Variants in CNTN5 observed in about 807,000 individuals in gnomAD.
CNTN5 encodes contactin 5.
CNTN5 carries 77 observed loss-of-function variants against 129.1 expected under a neutral mutation model. The ratio of observed to expected loss-of-function variants is 0.60; its 90% CI spans 0.50 to 0.72. CNTN5 has a LOEUF of 0.72. Ranked by LOEUF, CNTN5 falls within the 30% of genes least tolerant of loss-of-function variation. CNTN5 has a pLI of 0.00. For synonymous variants in CNTN5, 509 were observed against 465.6 expected (o/e 1.09, Z -1.20); for missense variants, 1,478 against 1,328.8 (o/e 1.11, Z -1.75).
intron 2 of CNTN5, among the ~76,000 whole-genome samples, chr11:99,493,595 T>C (rs1438004729): frequency 6.6e-6 from 1 of 152,138 alleles, no homozygotes; most frequent in African/African-American, 2.4e-5. Context: ...CTCAAACAAA[T>C]TCCGGTTCTA....
intron 18 of CNTN5, among the ~76,000 whole-genome samples, chr11:100,291,030 G>A (rs919803860): frequency 3.3e-5 from 5 of 149,566 alleles, no homozygotes; most frequent in African/African-American, 1.2e-4. Context: ...CTGGCCATCA[G>A]AGAAATGCAA....
intron 1 of CNTN5, among the ~76,000 whole-genome samples, chr11:99,034,567 G>T (rs1213199511): frequency 6.6e-6 from 1 of 151,448 alleles, no homozygotes; most frequent in Non-Finnish European, 1.5e-5. Flanking sequence ...AGAGGTGTTT[G>T]TAGTATTCTC....
rs781666711 is a variant in CNTN5 at position 99,329,548 on chromosome 11, C to T, written c.-71+4064C>T. Among the ~76,000 whole-genome samples the T allele has an allele frequency of 6.6e-5, 10 of 152,142 alleles. No individual in the cohort carries two copies. In the South Asian group the frequency reaches 8.3e-4, roughly 13 times the overall value. The stretch of plus-strand genomic sequence containing the variant: ...AGGCTGTCCTACAACATAAGAAGGG[C>T]TCTATCTCTTCATTAGATGGGTCTG... On this transcript the variant is annotated intron_variant, in intron 2 of 24. Coordinates refer to ENST00000524871, the MANE Select transcript of CNTN5 (RefSeq NM_014361.4).
intron 21 of CNTN5, among the ~76,000 whole-genome samples, chr11:100,310,817 C>A (rs1740254898): frequency 6.6e-6 from 1 of 151,816 alleles, no homozygotes; most frequent in African/African-American, 2.4e-5. Context: ...AGCCCAGGAG[C>A]TCTGAAGTAC....
chr11:100,024,937 G>A (rs369569104), intron 9 of CNTN5, among the ~76,000 whole-genome samples: 1 of 152,190 alleles, frequency 6.6e-6, no homozygotes, highest in South Asian at 2.1e-4. Context: ...CTGACAATGC[G>A]ATAGAAAAGA....
intron 9 of CNTN5, among the ~76,000 whole-genome samples, chr11:100,007,141 A>G (rs1467494858): frequency 6.6e-6 from 1 of 152,024 alleles, no homozygotes; most frequent in Non-Finnish European, 1.5e-5. Flanking sequence ...TATTTAGTAA[A>G]CCATGCTGTA....
chr11:99,175,431 G>C (rs910615872), intron 1 of CNTN5, among the ~76,000 whole-genome samples: 1 of 152,002 alleles, frequency 6.6e-6, no homozygotes, highest in African/African-American at 2.4e-5. Context: ...AATCCAGACT[G>C]TTCTAGCAAC....
intron 3 of CNTN5, among the ~76,000 whole-genome samples, chr11:99,602,262 C>T (rs592146): frequency 0.97 from 147,860 of 152,154 alleles, 71,983 homozygotes; most frequent in East Asian, 1. Context: ...TAGTTTCTAT[C>T]TTGATTATTT....
chr11:99,437,450 G>T lies in CNTN5; in HGVS notation c.-71+111966G>T, dbSNP rs548646377. ...AAGTCTGATTAAAGTATAATTTTAAGGTCAATAGCAGAAAACACTTAAACA... is the reference window on the plus strand; with the variant it reads ...AAGTCTGATTAAAGTATAATTTTAATGTCAATAGCAGAAAACACTTAAACA... On this transcript the variant is annotated intron_variant, in intron 2 of 24. Coordinates refer to ENST00000524871, the MANE Select transcript of CNTN5 (RefSeq NM_014361.4). Among the ~76,000 whole-genome samples, 12 of 152,180 alleles carry T rather than the reference G, an allele frequency of 7.9e-5. No homozygotes were observed. The East Asian group carries it at 2.3e-3, about 29-fold the overall frequency.
At chr11:99,357,105 G>C (rs1375504273) in intron 2 of CNTN5, among the ~76,000 whole-genome samples, 1 of 151,742 alleles carries the variant, frequency 6.6e-6, no homozygotes, top group Non-Finnish European at 1.5e-5. Context: ...TTATTGATAG[G>C]TGGCAAATAA....
chr11:99,305,489 C>A (rs1267666835), intron 1 of CNTN5, among the ~76,000 whole-genome samples: 1 of 152,000 alleles, frequency 6.6e-6, no homozygotes, highest in African/African-American at 2.4e-5. Context: ...TCAGTTTTTT[C>A]TTTGATGTGA....
chr11:99,876,455 T>C (rs1018316546), intron 6 of CNTN5, among the ~76,000 whole-genome samples: 2 of 152,184 alleles, frequency 1.3e-5, no homozygotes, highest in East Asian at 1.9e-4. Context: ...AGGCAATGCA[T>C]GAGCCCTATT....
At chr11:99,707,514 G>T (rs770638836) in intron 3 of CNTN5, among the ~76,000 whole-genome samples, 32 of 151,642 alleles carry the variant, frequency 2.1e-4, no homozygotes, top group Non-Finnish European at 1.8e-4. Flanking sequence ...CTGGAGTGAA[G>T]ATAATAACAA....
intron 3 of CNTN5, among the ~76,000 whole-genome samples, chr11:99,681,622 A>G (rs1244514410): frequency 1.3e-5 from 2 of 152,080 alleles, no homozygotes; most frequent in Non-Finnish European, 2.9e-5. Flanking sequence ...CATGAATTTT[A>G]TAAGCACTGG....
chr11:99,934,612 G>C (rs971426013), intron 7 of CNTN5, among the ~76,000 whole-genome samples: 11 of 151,986 alleles, frequency 7.2e-5, no homozygotes, highest in Admixed American at 2.0e-4. Context: ...AATATGGGCG[G>C]GGCATGGTTT....
chr11:99,319,510 C>T (rs1865475193), intron 1 of CNTN5, among the ~76,000 whole-genome samples: 1 of 152,140 alleles, frequency 6.6e-6, no homozygotes, highest in Non-Finnish European at 1.5e-5. Context: ...ATTGGCTATT[C>T]ACCAGTTTCA....
chr11:99,607,461 GA>G (rs1950457788), intron 3 of CNTN5, among the ~76,000 whole-genome samples: 1 of 114,694 alleles, frequency 8.7e-6, no homozygotes, highest in Admixed American at 9.5e-5. Flanking sequence ...AGGTGCTGGA[GA>G]GGATGTGGAG....
chr11:99,570,966 A>T (rs1247533362), intron 3 of CNTN5, among the ~76,000 whole-genome samples: 1 of 152,200 alleles, frequency 6.6e-6, no homozygotes, highest in Non-Finnish European at 1.5e-5. Flanking sequence ...AAAAGGAAAC[A>T]GATACTGTAC....
intron 8 of CNTN5, among the ~76,000 whole-genome samples, chr11:99,961,672 T>C (rs916674374): frequency 6.6e-6 from 1 of 152,214 alleles, no homozygotes; most frequent in African/African-American, 2.4e-5. Flanking sequence ...TCCTTCTCTA[T>C]CGCTATATGC....
Sources: allele counts gnomAD v4.1 joint callset (sites outside exome capture counted in the v4.1 genomes callset), GRCh38; gene constraint gnomAD v4.1.1; transcripts MANE v1.5; gene names NCBI Gene and HGNC (gene_info 2026-07-23, HGNC 2026-07-21).